Variants in GLIS3 observed in about 807,000 individuals in gnomAD.
The protein encoded by GLIS3 is zinc finger protein GLIS3.
GLIS3 carries 53 observed loss-of-function variants against 78.6 expected under a neutral mutation model. That is an observed-to-expected ratio of 0.67 (90% CI 0.54 to 0.85). The LOEUF is 0.85. GLIS3 is among the 40% of genes least tolerant of loss of function. GLIS3 has a pLI of 0.00. For synonymous variants in GLIS3, 684 were observed against 509.9 expected (o/e 1.34, Z -4.60); for missense variants, 1,703 against 1,231.1 (o/e 1.38, Z -5.74).
chr9:4,324,037 C>A (rs1451350255), intron 2 of GLIS3, among the ~76,000 whole-genome samples: 2 of 152,164 alleles, frequency 1.3e-5, no homozygotes, highest in Admixed American at 6.5e-5. Flanking sequence ...CACATCTGTT[C>A]ATTTACTCAC....
At chr9:4,329,043 T>C (rs530923296) in intron 2 of GLIS3, among the ~76,000 whole-genome samples, 14 of 152,182 alleles carry the variant, frequency 9.2e-5, no homozygotes, top group Non-Finnish European at 1.8e-4. Context: ...GTCTCTCAAA[T>C]CTTGCCTGCT....
At chr9:3,980,845 G>T (rs1306403157) in intron 4 of GLIS3, among the ~76,000 whole-genome samples, 1 of 151,878 alleles carries the variant, frequency 6.6e-6, no homozygotes, top group East Asian at 1.9e-4. Flanking sequence ...TTTTCTGCTT[G>T]CTTCCCTACT....
intron 4 of GLIS3, among the ~76,000 whole-genome samples, chr9:3,991,884 G>C (rs912508524): frequency 6.6e-6 from 1 of 151,732 alleles, no homozygotes; most frequent in Non-Finnish European, 1.5e-5. Flanking sequence ...TAGAGACGGG[G>C]TTTCACCGTA....
At chr9:4,046,747 T>C (rs913078400) in intron 4 of GLIS3, among the ~76,000 whole-genome samples, 7 of 152,182 alleles carry the variant, frequency 4.6e-5, no homozygotes, top group Non-Finnish European at 7.4e-5. Flanking sequence ...AACTCTAAAT[T>C]GTATTATATG....
At chr9:4,417,740 T>G in the GLIS3 span, among the ~76,000 whole-genome samples, 3 of 152,230 alleles carry the variant, frequency 2.0e-5, no homozygotes, top group African/African-American at 7.2e-5. Flanking sequence ...TTACATTATG[T>G]GAGAATTCCT....
intron 8 of GLIS3, among the ~76,000 whole-genome samples, chr9:3,872,573 C>A (rs1821034943): frequency 6.6e-6 from 1 of 152,150 alleles, no homozygotes; most frequent in Admixed American, 6.5e-5. Context: ...GGTGAAAACC[C>A]CTGATAAAAA....
At chr9:3,913,992 G>A (rs1182413291) in intron 6 of GLIS3, among the ~76,000 whole-genome samples, 1 of 152,182 alleles carries the variant, frequency 6.6e-6, no homozygotes, top group African/African-American at 2.4e-5. Context: ...AGGCCCCAAA[G>A]ACAAATGAAA....
intron 4 of GLIS3, among the ~76,000 whole-genome samples, chr9:4,025,037 G>A (rs115688584): frequency 1.3e-5 from 2 of 152,050 alleles, no homozygotes; most frequent in African/African-American, 4.8e-5. Context: ...TCACCTTGAG[G>A]TCAGGAGTTC....
the GLIS3 span, among the ~76,000 whole-genome samples, chr9:4,435,773 C>A: frequency 6.6e-6 from 1 of 152,086 alleles, no homozygotes; most frequent in Non-Finnish European, 1.5e-5. Context: ...TACAGTGAAA[C>A]CCTATCTCTA....
chr9:3,895,128 A>G (rs952440121), intron 7 of GLIS3, among the ~76,000 whole-genome samples: 5 of 152,236 alleles, frequency 3.3e-5, no homozygotes, highest in African/African-American at 1.2e-4. Context: ...ATGATATCTC[A>G]GACTCACCAA....
intron 2 of GLIS3, among the ~76,000 whole-genome samples, chr9:4,225,130 G>A (rs1235485818): frequency 1.3e-5 from 2 of 151,588 alleles, no homozygotes; most frequent in Non-Finnish European, 2.9e-5. Flanking sequence ...GAGCCTCAGA[G>A]ACGTTAAGGA....
the GLIS3 span, among the ~76,000 whole-genome samples, chr9:4,392,421 A>G: frequency 6.7e-4 from 102 of 152,292 alleles, 1 homozygote; most frequent in Admixed American, 2.9e-3. Context: ...AAAAATAATA[A>G]CAAATGTTTA....
chr9:4,303,268 G>GACACAC (rs5896061), upstream of GLIS3, among the ~76,000 whole-genome samples: 202 of 145,066 alleles, frequency 1.4e-3, 1 homozygote, highest in African/African-American at 4.3e-3. Flanking sequence ...TTAAAACACA[G>GACACAC]ACACACACAC....
chr9:4,042,051 G>C (rs981349893), intron 4 of GLIS3, among the ~76,000 whole-genome samples: 1 of 152,126 alleles, frequency 6.6e-6, no homozygotes, highest in Non-Finnish European at 1.5e-5. Context: ...CAACTCTCAA[G>C]CTACAGGCCT....
chr9:3,910,605 C>A, intron 6 of GLIS3, among the ~76,000 whole-genome samples: 1 of 152,216 alleles, frequency 6.6e-6, no homozygotes, highest in East Asian at 1.9e-4. Context: ...CCCACTTTGG[C>A]TTCCCAAGGT....
At chr9:4,431,855 A>C in the GLIS3 span, among the ~76,000 whole-genome samples, 17 of 152,000 alleles carry the variant, frequency 1.1e-4, no homozygotes, top group Non-Finnish European at 2.1e-4. Context: ...AAAAAAAAAA[A>C]AAAAAAAAGC....
At chr9:4,019,827 G>T (rs1227508545) in intron 4 of GLIS3, among the ~76,000 whole-genome samples, 1 of 152,146 alleles carries the variant, frequency 6.6e-6, no homozygotes, top group Non-Finnish European at 1.5e-5. Context: ...CGAAATCCTG[G>T]GTTCAAGCAA....
chr9:4,432,198 C>T, the GLIS3 span, among the ~76,000 whole-genome samples: 259 of 151,556 alleles, frequency 1.7e-3, no homozygotes, highest in Middle Eastern at 0.01. Flanking sequence ...TAAAGTGCCT[C>T]GTACAAAGGT....
chr9:4,018,423 G>A (rs1822611344), intron 4 of GLIS3, among the ~76,000 whole-genome samples: 1 of 152,176 alleles, frequency 6.6e-6, no homozygotes, highest in South Asian at 2.1e-4. Flanking sequence ...TACTTCTCTT[G>A]CTGGTTGTTT....
Sources: allele counts gnomAD v4.1 joint callset (sites outside exome capture counted in the v4.1 genomes callset), GRCh38; gene constraint gnomAD v4.1.1; transcripts MANE v1.5; gene names NCBI Gene and HGNC (gene_info 2026-07-23, HGNC 2026-07-21).